Variants in IL17REL observed in about 807,000 individuals in gnomAD.
The protein encoded by IL17REL is interleukin-17 receptor E-like protein.
In IL17REL, 36 loss-of-function variants were observed where a neutral mutation model predicts 49.0. The ratio of observed to expected loss-of-function variants is 0.73; its 90% CI spans 0.56 to 0.97. IL17REL has a LOEUF of 0.97. IL17REL is among the 50% of genes least tolerant of loss of function. IL17REL has a pLI of 0.00. For missense variants in IL17REL, 470 were observed against 453.9 expected (o/e 1.04, Z -0.32); for synonymous variants, 206 against 192.4 (o/e 1.07, Z -0.58).
Position 49,997,503 on chromosome 22 carries a change from A to G in IL17REL, c.878-87T>C. On this transcript the variant is annotated intron_variant, in intron 10 of 12. Transcript: ENST00000341280. Reference sequence around the variant, plus strand: ...TCCAGGCTGTGGGGAGTGAAGGGTGAGACCCCCATCCGGCCCAGCACCCCA... The same window carrying G: ...TCCAGGCTGTGGGGAGTGAAGGGTGGGACCCCCATCCGGCCCAGCACCCCA... The G allele has an allele frequency of 7.0e-7, 1 of 1,432,470 alleles. No individual in the cohort carries two copies. Among genetic ancestry groups the G allele is most frequent in the Non-Finnish European group, 9.7e-7 (1 of 1,032,296 alleles). 88.7% of individuals were successfully genotyped at this position (1,432,470 alleles called of 1,614,324 possible).
At chr22:49,998,277 C>A in exon 8 of IL17REL, 2 of 1,610,434 alleles carry the variant, frequency 1.2e-6, no homozygotes, top group Non-Finnish European at 1.7e-6. Flanking sequence ...TGGTAGTAGA[C>A]CGTGTCCCAC....
In IL17REL at chr22:49,997,255, A is replaced by T; in HGVS notation, c.974+65T>A. The T allele has an allele frequency of 4.0e-6, 6 of 1,506,536 alleles. 1 individual carries two copies. The highest frequency in any genetic ancestry group is 5.5e-6 in the Non-Finnish European group (6 of 1,094,594). 93.3% of individuals were successfully genotyped at this position (1,506,536 alleles called of 1,614,324 possible). On this transcript the variant is annotated intron_variant, in intron 11 of 12. Coordinates refer to ENST00000341280, the Ensembl canonical transcript of IL17REL. ...GGTGGGGCAGAGACCACCACAGGGAAGTGATGGGGTCCTGCCGCCACCACC... is the reference window on the plus strand; with the variant it reads ...GGTGGGGCAGAGACCACCACAGGGATGTGATGGGGTCCTGCCGCCACCACC...
chr22:50,001,423 A>C (rs1421675139), intron 1 of IL17REL, among the ~76,000 whole-genome samples, 192 bp from the exon 3 acceptor site: 1 of 152,130 alleles, frequency 6.6e-6, no homozygotes, highest in Non-Finnish European at 1.5e-5. Flanking sequence ...ACACACTCCA[A>C]AATGTCTGTG....
rs545748334 is a variant in IL17REL at position 50,006,554 on chromosome 22, A to T, written c.-42+2083T>A. The stretch of plus-strand genomic sequence containing the variant: ...GGCGAAAAAACAGGCTTGAAAATAC[A>T]GGCAGCAGGAAAGGCTGTGATGAGG... On this transcript the variant is annotated intron_variant, in intron 1 of 12. Transcript: ENST00000341280. 1.2e-3 allele frequency among the ~76,000 whole-genome samples: 182 copies of T among 152,246 alleles called. 1 individual carries two copies. The highest frequency in any genetic ancestry group is 4.1e-3 in the African/African-American group (172 of 41,574).
chr22:49,998,423 T>G, intron 7 of IL17REL, 114 bp from the exon 10 acceptor site: 1 of 617,740 alleles, frequency 1.6e-6, no homozygotes, highest in Non-Finnish European at 2.7e-6. Flanking sequence ...CGCAGTCCTA[T>G]GGGTCTCTGA....
At chr22:50,006,013 G>T (rs1323863410) in intron 1 of IL17REL, among the ~76,000 whole-genome samples, 12 of 151,972 alleles carry the variant, frequency 7.9e-5, no homozygotes, top group Non-Finnish European at 1.5e-4. Flanking sequence ...GGATGGGGGT[G>T]CTGAGGAAAG....
intron 7 of IL17REL, among the ~76,000 whole-genome samples, chr22:49,999,008 A>C (rs1244937698): frequency 1.3e-5 from 2 of 152,074 alleles, no homozygotes; most frequent in Non-Finnish European, 2.9e-5. Context: ...AACCGAGAGC[A>C]GGACGTCTCT....
At position 49,998,049 on chromosome 22, in the gene IL17REL, G is replaced by T. The variant is rs772813153; in HGVS notation, c.795C>A (p.Asp265Glu). The T allele has an allele frequency of 5.6e-6, 9 of 1,593,688 alleles. No individual in the cohort carries two copies. Among genetic ancestry groups the T allele is most frequent in the African/African-American group, 1.4e-5 (1 of 73,572 alleles). The change falls in exon 9 of 13, where the codon GAC becomes GAA. Residue 265 changes from aspartate to glutamate, a missense_variant. By Grantham distance (45) the Asp-to-Glu change is conservative. Transcript: ENST00000341280. ...CCTTCAGGCAGAGCTGGGGCTGGGT[G>T]TCCACCAGCGGGTACTGCACCTGAG...
chr22:49,998,732 T>G (rs927361794), intron 7 of IL17REL, among the ~76,000 whole-genome samples: 1 of 149,212 alleles, frequency 6.7e-6, no homozygotes. Flanking sequence ...TGCATGTGTA[T>G]GGGTGTGTAT....
upstream of IL17REL, among the ~76,000 whole-genome samples, chr22:50,011,102 A>G (rs73183310): frequency 0.29 from 44,143 of 150,086 alleles, 6,759 homozygotes; most frequent in Non-Finnish European, 0.34. Flanking sequence ...GCCCTGTCCA[A>G]GGCTGCCCAG....
At chr22:50,011,598 C>T (rs2061141742), upstream of IL17REL, among the ~76,000 whole-genome samples, 1 of 152,006 alleles carries the variant, frequency 6.6e-6, no homozygotes, top group Non-Finnish European at 1.5e-5. Flanking sequence ...TCCCTGTTTT[C>T]CATCTCCACT....
chr22:50,001,348 T>C (rs1018720612), intron 1 of IL17REL, 117 bp from the exon 3 acceptor site: 4 of 594,860 alleles, frequency 6.7e-6, no homozygotes, highest in Admixed American at 6.0e-5. Flanking sequence ...AGGGGGTCTT[T>C]ACTATCTTGC....
chr22:50,010,043 G>T (rs7291872), upstream of IL17REL, among the ~76,000 whole-genome samples: 13 of 148,118 alleles, frequency 8.8e-5, 1 homozygote, highest in Non-Finnish European at 1.4e-4. Context: ...AGGGTCCAGC[G>T]CAGGACCCCA....
At chr22:50,004,790 T>G (rs1483644982) in intron 1 of IL17REL, among the ~76,000 whole-genome samples, 1 of 149,764 alleles carries the variant, frequency 6.7e-6, no homozygotes, top group Non-Finnish European at 1.5e-5. Context: ...AGGCAGAGGT[T>G]GCAGTGAGAA....
rs775272971 is a variant in IL17REL, at chr22:49,997,977, CT to C, written c.819+47del. On this transcript the variant is annotated intron_variant, in intron 9 of 12. Transcript: ENST00000341280. ...GCCCCACTCCCCGCCCTGATGCCCC[CT>C]GGCCCCTCCCCAAATAGGGCACTGG... 377 of 1,592,182 alleles carry C rather than the reference CT, an allele frequency of 2.4e-4. 1 individual carries two copies. Among genetic ancestry groups the C allele is most frequent in the Non-Finnish European group, 3.1e-4 (360 of 1,173,722 alleles).
intron 7 of IL17REL, among the ~76,000 whole-genome samples, chr22:49,998,588 T>TGC (rs1491119310): frequency 1.3e-4 from 18 of 143,734 alleles, no homozygotes; most frequent in African/African-American, 4.8e-4. Flanking sequence ...TGGGTGTGTG[T>TGC]ATGTGTACGT....
At chr22:49,993,404 G>T (rs2061015950), downstream of IL17REL, among the ~76,000 whole-genome samples, 1 of 152,198 alleles carries the variant, frequency 6.6e-6, no homozygotes, top group Admixed American at 6.5e-5. The surrounding 1 kb of genome is among the most constrained non-coding windows in gnomAD (Gnocchi z 6.0). Flanking sequence ...TGGCAGGTGT[G>T]GGGGTGGGTT....
At chr22:50,012,188 C>T (rs2061144896), upstream of IL17REL, among the ~76,000 whole-genome samples, 1 of 152,290 alleles carries the variant, frequency 6.6e-6, no homozygotes, top group Non-Finnish European at 1.5e-5. Context: ...CAGGTGTCTA[C>T]ACAAGCCCAG....
intron 1 of IL17REL, among the ~76,000 whole-genome samples, chr22:50,006,027 G>A (rs1263756146): frequency 1.3e-5 from 2 of 151,948 alleles, no homozygotes; most frequent in Admixed American, 1.3e-4. Flanking sequence ...AGGAAAGCAG[G>A]GCGTAGGAGG....
Sources: gnomAD v4.1 joint callset for allele counts (sites outside exome capture counted in the v4.1 genomes callset) on GRCh38, gnomAD v4.1.1 for gene constraint, Gnocchi (gnomAD v3.1) non-coding constraint, MANE v1.5 for transcripts, NCBI Gene and HGNC (gene_info 2026-07-23, HGNC 2026-07-21) for gene names.